CPAMD8: variants seen among roughly 807,000 people sequenced by gnomAD.
CPAMD8 encodes C3 and PZP like alpha-2-macroglobulin domain containing 8, also known as C3 and PZP-like alpha-2-macroglobulin domain-containing protein 8.
CPAMD8 carries 146 observed loss-of-function variants against 224.7 expected under a neutral mutation model. The observed-to-expected ratio is 0.65, with a 90% CI of 0.57 to 0.75. The LOEUF (loss-of-function observed/expected upper bound fraction) is 0.75, where lower values mean the gene tolerates loss of function less well. Among genes scored for constraint, CPAMD8 ranks in the 30% least tolerant of loss-of-function variants. CPAMD8 has a pLI of 0.00. For synonymous variants in CPAMD8, 966 were observed against 1,044.6 expected, an observed-to-expected ratio of 0.92 and a Z score of 1.45; for missense variants, 2,301 against 2,537.5, an observed-to-expected ratio of 0.91 and a Z score of 2.00.
At chr19:16,989,987 C>T (rs1327316227) in intron 12 of CPAMD8, among the ~76,000 whole-genome samples, 1 of 152,232 alleles carries the variant, frequency 6.6e-6, no homozygotes, top group African/African-American at 2.4e-5. Flanking sequence ...CACAGTGACT[C>T]ACACCTGTAA....
chr19:16,996,242 G>A (rs964684270), intron 11 of CPAMD8, among the ~76,000 whole-genome samples: 1 of 152,188 alleles, frequency 6.6e-6, no homozygotes, highest in Non-Finnish European at 1.5e-5. Context: ...GGATGCTGAG[G>A]CAGGCGGATT....
intron 25 of CPAMD8, among the ~76,000 whole-genome samples, chr19:16,927,038 C>T (rs933099087): frequency 7.2e-5 from 11 of 152,064 alleles, no homozygotes; most frequent in Admixed American, 2.0e-4. Flanking sequence ...TGACTCAGGC[C>T]CATCCCAAAC....
chr19:16,974,138 CTT>C (rs1245605168), intron 17 of CPAMD8, among the ~76,000 whole-genome samples: 4 of 142,270 alleles, frequency 2.8e-5, no homozygotes, highest in Non-Finnish European at 4.6e-5. Context: ...AGCATTAGCC[CTT>C]TTTTTTTTTG....
At chr19:17,024,820 A>T (rs2057037784) in intron 1 of CPAMD8, among the ~76,000 whole-genome samples, 1 of 152,220 alleles carries the variant, frequency 6.6e-6, no homozygotes, top group East Asian at 1.9e-4. Flanking sequence ...GTCAGTGTAG[A>T]CAGAATTGCT....
At chr19:16,944,186 C>A (rs2053996194) in intron 22 of CPAMD8, among the ~76,000 whole-genome samples, 1 of 152,218 alleles carries the variant, frequency 6.6e-6, no homozygotes, top group Admixed American at 6.5e-5. Context: ...CGCCCACAGT[C>A]CTCCGGTGGG....
intron 20 of CPAMD8, among the ~76,000 whole-genome samples, chr19:16,948,061 T>C (rs897297387): frequency 1.3e-5 from 2 of 152,230 alleles, no homozygotes; most frequent in African/African-American, 4.8e-5. Flanking sequence ...TGTGCATGTG[T>C]GTGCATTTTG....
intron 27 of CPAMD8, 51 bp from the exon 28 acceptor site, chr19:16,914,864 A>T: frequency 7.2e-7 from 1 of 1,396,456 alleles, no homozygotes; most frequent in Non-Finnish European, 9.8e-7. Context: ...GTCAGCCCCC[A>T]CATGCTGGCT....
rs1224545595 is a variant in CPAMD8 at position 16,907,092 on chromosome 19, G to A, written c.3887C>T (p.Ala1296Val). The A allele has an allele frequency of 7.6e-6, 12 of 1,576,660 alleles. No homozygotes were observed. The highest frequency in any genetic ancestry group is 1.7e-4 in the Middle Eastern group (1 of 5,896). ...SEEERGSTDK[A>V]RHFLESAAPL... is the part of the protein sequence containing the mutation. The stretch of plus-strand genomic sequence containing the variant: ...CGCAGCAGACTCCAGGAAGTGCCTC[G>A]CTTTGTCAGTGGAGCCTCTCTCCTC... The change falls in exon 30 of 42, where the codon GCG (alanine) becomes GTG (valine). Residue 1296 changes from alanine (A) to valine (V), a missense_variant. This residue lies in a region of CPAMD8 where 1,709 missense variants were observed against 1,753.2 expected (regional missense o/e 0.97). Transcript: ENST00000443236.
intron 14 of CPAMD8, among the ~76,000 whole-genome samples, chr19:16,978,844 C>T (rs1048438275): frequency 2.0e-5 from 3 of 151,700 alleles, no homozygotes; most frequent in African/African-American, 7.3e-5. Flanking sequence ...ACCCACCATC[C>T]ACCCTTCCCT....
At chr19:16,930,400 CTACT>C (rs1221338184) in intron 23 of CPAMD8, among the ~76,000 whole-genome samples, 1 of 152,040 alleles carries the variant, frequency 6.6e-6, no homozygotes, top group Non-Finnish European at 1.5e-5. Flanking sequence ...GGGAGAGGGG[CTACT>C]TAGAGGCATC....
chr19:16,965,133 G>T lies in CPAMD8; in HGVS notation c.2213+5758C>A, dbSNP rs1011747776. On this transcript the variant is annotated intron_variant, in intron 18 of 41. Transcript: ENST00000443236. The stretch of plus-strand genomic sequence containing the variant: ...AAATTAGCCGGGCATAGTGGCGGGC[G>T]CCTGTAGTCCCAGCTACTCAGGAGG... Among the ~76,000 whole-genome samples, 4 of 151,752 alleles carry T rather than the reference G, an allele frequency of 2.6e-5. 1 individual carries two copies. In the South Asian group the frequency reaches 8.3e-4, roughly 32 times the overall value.
At chr19:16,915,831 T>G (rs2885322) in intron 27 of CPAMD8, among the ~76,000 whole-genome samples, 5 of 40,242 alleles carry the variant, frequency 1.2e-4, no homozygotes, top group Non-Finnish European at 4.5e-4. Context: ...CTGCCTGCCT[T>G]CCTTCCTTCC....
intron 10 of CPAMD8, among the ~76,000 whole-genome samples, chr19:16,999,408 G>A (rs536467498): frequency 2.1e-4 from 32 of 151,610 alleles, no homozygotes; most frequent in African/African-American, 5.3e-4. Context: ...GTGAAACCCC[G>A]TCTCTACTAA....
chr19:16,929,201 T>A lies in CPAMD8; in HGVS notation c.2885A>T (p.Gln962Leu). 4 of 1,611,444 alleles carry A rather than the reference T, an allele frequency of 2.5e-6. No individual in the cohort carries two copies. The highest frequency in any genetic ancestry group is 3.4e-6 in the Non-Finnish European group (4 of 1,177,894). ...HISTPNKYEF[Q>L]YVQRPLRLTR... ...GAGGCGCAGTGGCCGCTGCACATAC[T>A]GGAACTCATACTTGTTGGGGGTGGA... Residue 962 changes from glutamine to leucine, a missense_variant, in exon 24 of 42, where the codon CAG becomes CTG. Gln to Leu is a moderately radical substitution (Grantham distance 113, BLOSUM62 -2). Coordinates refer to ENST00000443236, the MANE Select transcript of CPAMD8 (RefSeq NM_015692.5).
Position 16,902,252 on chromosome 19 carries a change from C to G in CPAMD8, c.4685+397G>C, listed in dbSNP as rs150788503. ...CAAAAACTGGCTGGGCGAGGTGGCT[C>G]ACACCTGTAATCCCAGCACTTTGGG... is the stretch of plus-strand genomic sequence containing the variant. On this transcript the variant is annotated intron_variant, in intron 35 of 41. Coordinates refer to ENST00000443236, the MANE Select transcript of CPAMD8 (RefSeq NM_015692.5). Among the ~76,000 whole-genome samples the G allele has an allele frequency of 6.3e-3, 961 of 152,180 alleles. 36 individuals carry two copies. In the East Asian group the frequency reaches 0.092, roughly 15 times the overall value.
At chr19:16,947,804 C>T (rs182429762) in intron 20 of CPAMD8, among the ~76,000 whole-genome samples, 10 of 152,176 alleles carry the variant, frequency 6.6e-5, no homozygotes, top group South Asian at 4.1e-4. Context: ...GTGCATCTAC[C>T]GGGTGAAGGC....
intron 13 of CPAMD8, among the ~76,000 whole-genome samples, chr19:16,987,916 A>G (rs1343844569): frequency 6.6e-6 from 1 of 152,048 alleles, no homozygotes; most frequent in Non-Finnish European, 1.5e-5. Context: ...CTCCCGCCTC[A>G]GCCTCCCAAA....
In CPAMD8 at chr19:16,914,774, G is replaced by T. The variant is rs754378391; in HGVS notation, c.3669C>A (p.Arg1223=). ...CCCGGGGGTCCACGAAGATAAAGCT[G>T]CGAGCCTGTGCGAAGGACTTCAGGA... ...AFVLKSFAQA[R]SFIFVDPREL... The change falls in exon 28 of 42, where the codon CGC becomes CGA. Residue 1223 remains arginine (R), a synonymous_variant. Transcript: ENST00000443236. 1 of 1,613,720 alleles carries T rather than the reference G, an allele frequency of 6.2e-7. No homozygotes were observed. Among genetic ancestry groups the T allele is most frequent in the Non-Finnish European group, 8.5e-7 (1 of 1,179,898 alleles).
chr19:17,000,826 G>A (rs2123025016), intron 9 of CPAMD8, among the ~76,000 whole-genome samples: 1 of 152,336 alleles, frequency 6.6e-6, no homozygotes, highest in Non-Finnish European at 1.5e-5. Flanking sequence ...GTAGTGCAGA[G>A]GCATGAGCGA....
Sources: gnomAD v4.1 joint callset for allele counts (sites outside exome capture counted in the v4.1 genomes callset) on GRCh38, gnomAD v4.1.1 for gene constraint, gnomAD v4.1.1 regional missense constraint, MANE v1.5 for transcripts, NCBI Gene and HGNC (gene_info 2026-07-23, HGNC 2026-07-21) for gene names.